The following ATP13A4 variants were observed in gnomAD, a reference collection of about 807,000 sequenced individuals.
ATP13A4 encodes probable cation-transporting ATPase 13A4.
In ATP13A4, 114 loss-of-function variants were observed where a neutral mutation model predicts 142.5. That is an observed-to-expected ratio of 0.80 (90% CI 0.69 to 0.93). The LOEUF (loss-of-function observed/expected upper bound fraction) is 0.93, where lower values mean the gene tolerates loss of function less well. Among genes scored for constraint, ATP13A4 ranks in the 40% least tolerant of loss-of-function variants. ATP13A4 has a pLI of 0.00. For synonymous variants in ATP13A4, 488 were observed against 514.8 expected (o/e 0.95, Z 0.70); for missense variants, 1,392 against 1,454.0 (o/e 0.96, Z 0.69).
chr3:193,527,631 A>G (rs1722082338), intron 1 of ATP13A4, among the ~76,000 whole-genome samples: 1 of 149,402 alleles, frequency 6.7e-6, no homozygotes, highest in African/African-American at 2.5e-5. Context: ...AAAAAAGGGC[A>G]GCACTTCCCC....
intron 8 of ATP13A4, among the ~76,000 whole-genome samples, chr3:193,481,406 T>C (rs1379739163): frequency 1.3e-5 from 2 of 152,198 alleles, no homozygotes; most frequent in African/African-American, 2.4e-5. Context: ...AAAAGGGTTA[T>C]AATACAAAAA....
intron 24 of ATP13A4, among the ~76,000 whole-genome samples, chr3:193,435,215 A>G (rs995880282): frequency 2.0e-5 from 3 of 151,884 alleles, no homozygotes; most frequent in African/African-American, 7.3e-5. Context: ...TTATGGTAGG[A>G]GTATTTACGC....
intron 3 of ATP13A4, among the ~76,000 whole-genome samples, chr3:193,500,706 C>T (rs1405354599): frequency 6.6e-6 from 1 of 152,180 alleles, no homozygotes; most frequent in Non-Finnish European, 1.5e-5. Flanking sequence ...TGGTTCCTAA[C>T]AGGCCATGGA....
rs1718184620 is a variant in ATP13A4 at position 193,465,042 on chromosome 3, G to A, written c.1359C>T (p.Gly453=). ...PPALPAALTT[G]IIYAQRRLKK... is the part of the protein sequence containing the mutation. ...TCAGCCTCCTCTGGGCATAGATAAT[G>A]CCTGTGGTCAGAGCAGCAGGTAGAG... Residue 453 remains glycine (G), a synonymous_variant, in exon 12 of 30, where the codon GGC becomes GGT. Coordinates refer to ENST00000342695, the MANE Select transcript of ATP13A4 (RefSeq NM_032279.4). 6.2e-7 allele frequency: 1 copy of A among 1,614,036 alleles called. No homozygotes were observed. The highest frequency in any genetic ancestry group is 1.7e-5 in the Admixed American group (1 of 60,012).
At chr3:193,501,320 G>C (rs1210743667) in intron 3 of ATP13A4, among the ~76,000 whole-genome samples, 1 of 152,116 alleles carries the variant, frequency 6.6e-6, no homozygotes, top group Non-Finnish European at 1.5e-5. Context: ...GGGTGCAGTG[G>C]CACACCCCTA....
At chr3:193,533,908 AC>A (rs1206326022) in intron 1 of ATP13A4, among the ~76,000 whole-genome samples, 4 of 151,824 alleles carry the variant, frequency 2.6e-5, no homozygotes, top group Admixed American at 2.0e-4. Context: ...CTGGGCCTCC[AC>A]CCCCACCAGC....
At chr3:193,534,613 T>C (rs185775350) in intron 1 of ATP13A4, among the ~76,000 whole-genome samples, 3 of 151,858 alleles carry the variant, frequency 2.0e-5, no homozygotes, top group African/African-American at 7.2e-5. Flanking sequence ...AATAGCAAAA[T>C]AGAGGGACAG....
intron 1 of ATP13A4, among the ~76,000 whole-genome samples, chr3:193,552,906 T>C (rs1240487853): frequency 6.6e-6 from 1 of 152,228 alleles, no homozygotes; most frequent in Non-Finnish European, 1.5e-5. Context: ...CTGTGTATAC[T>C]AAAAATCACT....
intron 14 of ATP13A4, 128 bp downstream of exon 14, chr3:193,458,953 C>A (rs1717791576): frequency 7.7e-7 from 1 of 1,298,298 alleles, no homozygotes. Flanking sequence ...GATTGGTTTG[C>A]CCTTCACTAC....
chr3:193,581,584 C>T (rs1724547156), intron 2 of ATP13A4: 1 of 152,118 alleles, frequency 6.6e-6, no homozygotes, highest in East Asian at 1.9e-4. Context: ...CCCCCAAATT[C>T]CTAGCATTCC....
At chr3:193,574,379 A>T (rs1480781699) in intron 2 of ATP13A4, among the ~76,000 whole-genome samples, 1 of 152,120 alleles carries the variant, frequency 6.6e-6, no homozygotes, top group Non-Finnish European at 1.5e-5. Context: ...AAATTTTGGA[A>T]CACCAAGCTG....
At chr3:193,437,236 G>T (rs1333524749) in intron 23 of ATP13A4, among the ~76,000 whole-genome samples, 3 of 141,088 alleles carry the variant, frequency 2.1e-5, no homozygotes, top group African/African-American at 7.9e-5. Flanking sequence ...ATAAGGAGAG[G>T]TTCTCCTTAG....
chr3:193,570,458 T>C (rs1356523438), intron 2 of ATP13A4, among the ~76,000 whole-genome samples: 2 of 152,234 alleles, frequency 1.3e-5, no homozygotes, highest in East Asian at 1.9e-4. Flanking sequence ...GAACCATGTA[T>C]GACATGCTAA....
At chr3:193,580,098 G>C (rs1392513920) in intron 2 of ATP13A4, among the ~76,000 whole-genome samples, 2 of 152,144 alleles carry the variant, frequency 1.3e-5, no homozygotes, top group Non-Finnish European at 1.5e-5. Context: ...AGAAGTTCTA[G>C]CGTGTGTGTT....
At position 193,462,782 on chromosome 3, in the gene ATP13A4, G is replaced by A. The variant is rs747790751; in HGVS notation, c.1503C>T (p.Val501=). The A allele has an allele frequency of 5.0e-6, 8 of 1,613,860 alleles. No homozygotes were observed. The highest frequency in any genetic ancestry group is 3.3e-5 in the South Asian group (3 of 91,064). The part of the protein sequence containing the change: ...LTRDGLDLWG[V]VSCDRNGFQE... ...CTCACCCATTCCTATCACAGGACAC[G>A]ACTCCCCAGAGGTCCAAGCCGTCCC... is the stretch of plus-strand genomic sequence containing the variant. The change falls in exon 13 of 30, where the codon GTC becomes GTT. Residue 501 remains valine (V), a synonymous_variant. Coordinates refer to ENST00000342695, the MANE Select transcript of ATP13A4 (RefSeq NM_032279.4).
Position 193,565,480 on chromosome 3 carries a change from G to T in ATP13A4, n.291+16227C>A, listed in dbSNP as rs543327882. On this transcript the variant is annotated intron_variant and non_coding_transcript_variant, in intron 2 of 3. Coordinates refer to the ATP13A4 transcript ENST00000489140. The stretch of plus-strand genomic sequence containing the variant: ...CATGAATTTCTGGACCCTTTGAAAG[G>T]ACATCAAAGAGTACTGGAAGGAGAG... 5.9e-5 allele frequency among the ~76,000 whole-genome samples: 9 copies of T among 152,306 alleles called. No homozygotes were observed. In the East Asian group the frequency reaches 1.5e-3, roughly 26 times the overall value.
chr3:193,505,677 G>A (rs558755778), intron 2 of ATP13A4, among the ~76,000 whole-genome samples: 16 of 152,248 alleles, frequency 1.1e-4, no homozygotes, highest in Admixed American at 1.3e-4. Flanking sequence ...GAGTAGGGGA[G>A]TGACACTGAC....
intron 2 of ATP13A4, among the ~76,000 whole-genome samples, chr3:193,514,359 T>C (rs922017538): frequency 6.6e-6 from 1 of 152,194 alleles, no homozygotes; most frequent in Non-Finnish European, 1.5e-5. Context: ...CCTGCGTTAG[T>C]TTGCTAAGGA....
At chr3:193,552,173 C>A in intron 1 of ATP13A4, among the ~76,000 whole-genome samples, 1 of 152,146 alleles carries the variant, frequency 6.6e-6, no homozygotes, top group East Asian at 1.9e-4. Context: ...GGGGTTTCAC[C>A]ATGTTGGCCA....
Sources: allele counts gnomAD v4.1 joint callset (sites outside exome capture counted in the v4.1 genomes callset), GRCh38; gene constraint gnomAD v4.1.1; transcripts MANE v1.5; gene names NCBI Gene and HGNC (gene_info 2026-07-23, HGNC 2026-07-21).